PPFIBP1: variants seen among roughly 807,000 people sequenced by gnomAD.
The protein encoded by PPFIBP1 is PPFIB scaffold protein 1, also known as liprin-beta-1.
In PPFIBP1, 112 loss-of-function variants were observed where a neutral mutation model predicts 137.8. The observed-to-expected ratio is 0.81, with a 90% CI of 0.70 to 0.95. PPFIBP1 has a LOEUF of 0.95. PPFIBP1 is among the 40% of genes least tolerant of loss of function. The pLI is 0.00. For missense variants in PPFIBP1, 1,083 were observed against 1,196.6 expected, an observed-to-expected ratio of 0.91 and a Z score of 1.40; for synonymous variants, 378 against 417.3, an observed-to-expected ratio of 0.91 and a Z score of 1.15.
At chr12:27,604,350 A>C (rs2054294927) in intron 2 of PPFIBP1, among the ~76,000 whole-genome samples, 2 of 152,214 alleles carry the variant, frequency 1.3e-5, no homozygotes, top group African/African-American at 4.8e-5. Context: ...ACTTTAATTT[A>C]ATTAGAGAAT....
At chr12:27,525,307 G>T (rs185172133) in intron 1 of PPFIBP1, among the ~76,000 whole-genome samples, 7 of 152,156 alleles carry the variant, frequency 4.6e-5, no homozygotes, top group African/African-American at 1.4e-4. Context: ...GGAGGAAAAA[G>T]ATACTTTTAA....
chr12:27,664,286 T>C (rs1415835589), intron 11 of PPFIBP1, 76 bp from the exon 12 acceptor site: 13 of 933,090 alleles, frequency 1.4e-5, no homozygotes, highest in Non-Finnish European at 2.0e-5. Context: ...TACTATTCTT[T>C]ATGCAATTCT....
At chr12:27,554,446 G>A (rs905009816) in intron 1 of PPFIBP1, among the ~76,000 whole-genome samples, 1 of 152,242 alleles carries the variant, frequency 6.6e-6, no homozygotes, top group Non-Finnish European at 1.5e-5. Context: ...AAACCAGGCT[G>A]GGAGAGACAG....
At position 27,541,277 on chromosome 12, in the gene PPFIBP1, G is replaced by C. The variant is rs151262603; in HGVS notation, c.-124+16912G>C. ...TGAGAGAGAGAGAAAAAAAAAAATAGAGAAAGTTGGTGAGAAAAGGGGAGG... is the reference window on the plus strand; with the variant it reads ...TGAGAGAGAGAGAAAAAAAAAAATACAGAAAGTTGGTGAGAAAAGGGGAGG... On this transcript the variant is annotated intron_variant, in intron 1 of 29. Transcript: ENST00000228425. 7.7e-3 allele frequency among the ~76,000 whole-genome samples: 1,171 copies of C among 152,136 alleles called. 15 individuals carry two copies. Among genetic ancestry groups the C allele is most frequent in the African/African-American group, 0.027 (1,118 of 41,516 alleles).
intron 4 of PPFIBP1, among the ~76,000 whole-genome samples, chr12:27,642,037 T>A (rs2058147706): frequency 6.6e-6 from 1 of 152,230 alleles, no homozygotes; most frequent in Non-Finnish European, 1.5e-5. Flanking sequence ...TCTAATGTTA[T>A]GTGTAGCACC....
chr12:27,624,795 G>A (rs7979938), intron 2 of PPFIBP1, among the ~76,000 whole-genome samples: 10 of 152,262 alleles, frequency 6.6e-5, no homozygotes, highest in African/African-American at 2.4e-4. Flanking sequence ...AGTAACAAGT[G>A]TTTTATTATT....
At chr12:27,585,691 G>C (rs562678983) in intron 2 of PPFIBP1, among the ~76,000 whole-genome samples, 43 of 152,176 alleles carry the variant, frequency 2.8e-4, no homozygotes, top group Middle Eastern at 3.2e-3. Flanking sequence ...GAAGTGCTGT[G>C]GTGGCACAAG....
rs909325772 is a variant in PPFIBP1 at position 27,692,954 on chromosome 12, A to G, written c.*72A>G. The stretch of plus-strand genomic sequence containing the variant: ...TTGCTTTTCCAAACACTCACAGTAT[A>G]TACAACAGGCAGCGGATTGTCTATT... On this transcript the variant is annotated 3_prime_UTR_variant, in exon 30 of 30. Coordinates refer to ENST00000228425, the MANE Select transcript of PPFIBP1 (RefSeq NM_003622.4). 5.7e-6 allele frequency: 9 copies of G among 1,577,792 alleles called. No individual in the cohort carries two copies. The African/African-American group carries it at 6.8e-5, about 12-fold the overall frequency.
At chr12:27,560,426 A>T (rs1052810784) in intron 1 of PPFIBP1, among the ~76,000 whole-genome samples, 1 of 152,342 alleles carries the variant, frequency 6.6e-6, no homozygotes, top group African/African-American at 2.4e-5. Flanking sequence ...TGGGACTAGT[A>T]TTGTCTTTGA....
At chr12:27,600,552 G>C (rs2053866639) in intron 2 of PPFIBP1, among the ~76,000 whole-genome samples, 1 of 149,874 alleles carries the variant, frequency 6.7e-6, no homozygotes, top group African/African-American at 2.5e-5. Context: ...ATATTTCATT[G>C]TATCTTTGAA....
At chr12:27,665,973 A>G (rs529268479) in intron 12 of PPFIBP1, among the ~76,000 whole-genome samples, 1 of 152,352 alleles carries the variant, frequency 6.6e-6, no homozygotes, top group East Asian at 1.9e-4. Context: ...GTAAGTGATT[A>G]ATTTTTACAT....
chr12:27,598,416 A>AC (rs1404188490), intron 2 of PPFIBP1, among the ~76,000 whole-genome samples: 2 of 151,892 alleles, frequency 1.3e-5, no homozygotes, highest in Admixed American at 6.6e-5. Context: ...GGAAAGACCC[A>AC]CCCCCCATGA....
At chr12:27,568,741 A>G (rs899141983) in intron 1 of PPFIBP1, among the ~76,000 whole-genome samples, 2 of 152,324 alleles carry the variant, frequency 1.3e-5, no homozygotes, top group Non-Finnish European at 2.9e-5. Flanking sequence ...GAATTTATCA[A>G]TAACCCATCT....
chr12:27,531,089 A>G (rs1420443330), intron 1 of PPFIBP1, among the ~76,000 whole-genome samples: 1 of 152,180 alleles, frequency 6.6e-6, no homozygotes, highest in Non-Finnish European at 1.5e-5. Context: ...TCTTTTCTTT[A>G]AAAATAAAAA....
Position 27,667,218 on chromosome 12 carries a change from G to A in PPFIBP1, c.1044G>A (p.Leu348=). Residue 348 remains leucine, a synonymous_variant, in exon 13 of 30, where the codon TTG becomes TTA. Coordinates refer to ENST00000228425, the MANE Select transcript of PPFIBP1 (RefSeq NM_003622.4). ...ELLNSSSISS[L]LDAQGFSDLE... ...TCAATTCCAGTTCCATCTCCTCTTT[G>A]CTGGATGCACAGGGTTTCAGTGATC... is the stretch of plus-strand genomic sequence containing the variant. 6.2e-7 allele frequency: 1 copy of A among 1,613,338 alleles called. No individual in the cohort carries two copies. Among genetic ancestry groups the A allele is most frequent in the Non-Finnish European group, 8.5e-7 (1 of 1,179,632 alleles).
intron 12 of PPFIBP1, among the ~76,000 whole-genome samples, chr12:27,665,402 G>T (rs73296193): frequency 2.2e-4 from 33 of 152,140 alleles, no homozygotes; most frequent in African/African-American, 7.2e-4. Flanking sequence ...CAAGAAAGAC[G>T]TTTCCAACTA....
chr12:27,537,364 C>G (rs1351497843), intron 1 of PPFIBP1, among the ~76,000 whole-genome samples: 1 of 152,180 alleles, frequency 6.6e-6, no homozygotes, highest in Non-Finnish European at 1.5e-5. Flanking sequence ...AACTCCTGAC[C>G]TCGTGATCCG....
intron 2 of PPFIBP1, among the ~76,000 whole-genome samples, chr12:27,625,617 G>A (rs1172573907): frequency 8.2e-6 from 1 of 122,202 alleles, no homozygotes; most frequent in Non-Finnish European, 1.6e-5. Context: ...GTCTTGCTCT[G>A]TCGCCCAGGT....
At chr12:27,555,151 C>T (rs1466057432) in intron 1 of PPFIBP1, among the ~76,000 whole-genome samples, 1 of 152,094 alleles carries the variant, frequency 6.6e-6, no homozygotes, top group Non-Finnish European at 1.5e-5. Context: ...AGAAAATATT[C>T]GGGCTTTCAG....
Sources: allele counts gnomAD v4.1 joint callset (sites outside exome capture counted in the v4.1 genomes callset), GRCh38; gene constraint gnomAD v4.1.1; transcripts MANE v1.5; gene names NCBI Gene and HGNC (gene_info 2026-07-23, HGNC 2026-07-21).